Variants in TPD52 observed in about 807,000 individuals in gnomAD.
TPD52 encodes the protein prostate and colon associated protein.
TPD52 carries 17 observed loss-of-function variants against 31.3 expected under a neutral mutation model. That is an observed-to-expected ratio of 0.54 (90% CI 0.37 to 0.82). The LOEUF is 0.82. Among genes scored for constraint, TPD52 ranks in the 40% least tolerant of loss-of-function variants. TPD52 has a pLI of 0.00. For missense variants in TPD52, 212 were observed against 240.1 expected, an observed-to-expected ratio of 0.88 and a Z score of 0.77; for synonymous variants, 83 against 89.6, an observed-to-expected ratio of 0.93 and a Z score of 0.42.
intron 1 of TPD52, among the ~76,000 whole-genome samples, chr8:80,136,028 T>C (rs1431030345): frequency 2.3e-5 from 3 of 128,358 alleles, no homozygotes; most frequent in East Asian, 2.5e-4. Context: ...ATATACCTAA[T>C]GCTAGATGAC....
At chr8:80,086,100 G>GC (rs1815732669) in intron 1 of TPD52, among the ~76,000 whole-genome samples, 2 of 82,236 alleles carry the variant, frequency 2.4e-5, no homozygotes, top group African/African-American at 9.6e-5. Context: ...GGGTTTTTTT[G>GC]CTTTTTTTTT....
chr8:80,091,513 G>A (rs941600600), intron 1 of TPD52, among the ~76,000 whole-genome samples: 28 of 151,864 alleles, frequency 1.8e-4, no homozygotes, highest in Middle Eastern at 3.4e-3. Context: ...TTTTCACTTC[G>A]GTCATCTCAG....
intron 1 of TPD52, among the ~76,000 whole-genome samples, chr8:80,137,152 G>A (rs993942092): frequency 6.6e-6 from 1 of 152,168 alleles, no homozygotes; most frequent in Non-Finnish European, 1.5e-5. Flanking sequence ...CTATTAAAAA[G>A]AGTAATAAAA....
intron 1 of TPD52, among the ~76,000 whole-genome samples, chr8:80,164,591 G>A (rs1484902691): frequency 6.6e-6 from 1 of 152,098 alleles, no homozygotes; most frequent in Non-Finnish European, 1.5e-5. Context: ...AATGAAAAGA[G>A]CCATTAGTTA....
At chr8:80,072,326 T>C (rs1356797067) in intron 1 of TPD52, among the ~76,000 whole-genome samples, 12 of 148,958 alleles carry the variant, frequency 8.1e-5, no homozygotes, top group African/African-American at 2.8e-4. Flanking sequence ...TATGTGTGTG[T>C]GTGTGTGTGT....
intron 1 of TPD52, among the ~76,000 whole-genome samples, chr8:80,142,207 A>C (rs1045361171): frequency 6.6e-6 from 1 of 152,186 alleles, no homozygotes; most frequent in East Asian, 1.9e-4. Context: ...CCTGCATTCC[A>C]TACTAACCAT....
At chr8:80,053,249 T>G in intron 3 of TPD52, 33 bp downstream of exon 3, 1 of 1,608,340 alleles carries the variant, frequency 6.2e-7, no homozygotes, top group Middle Eastern at 1.7e-4. Flanking sequence ...TCCTTTACAC[T>G]CCCAAGGAAA....
intron 1 of TPD52, among the ~76,000 whole-genome samples, chr8:80,118,792 A>C (rs1563639725): frequency 6.6e-6 from 1 of 152,208 alleles, no homozygotes; most frequent in Non-Finnish European, 1.5e-5. Flanking sequence ...GATCCAGAGA[A>C]ACAACAATCT....
intron 4 of TPD52, 30 bp downstream of exon 4, chr8:80,051,497 C>T (rs1811386141): frequency 6.3e-7 from 1 of 1,594,794 alleles, no homozygotes; most frequent in Admixed American, 1.7e-5. Context: ...GCGTCAGCTA[C>T]TTAATGAGCA....
At chr8:80,167,833 A>G (rs904970873) in intron 1 of TPD52, among the ~76,000 whole-genome samples, 5 of 152,210 alleles carry the variant, frequency 3.3e-5, no homozygotes, top group African/African-American at 7.2e-5. Context: ...CTTTGTTTAA[A>G]TTCAAACTAG....
intron 1 of TPD52, among the ~76,000 whole-genome samples, chr8:80,073,976 A>C (rs891740693): frequency 6.6e-6 from 1 of 152,214 alleles, no homozygotes; most frequent in Non-Finnish European, 1.5e-5. Context: ...AGCTGCCCCC[A>C]AAAAAATTCA....
intron 1 of TPD52, among the ~76,000 whole-genome samples, chr8:80,156,484 T>C (rs1045769749): frequency 3.9e-5 from 6 of 152,146 alleles, no homozygotes. Context: ...TCAACGAATG[T>C]GTGAACATGT....
At chr8:80,150,642 A>G (rs886893724) in intron 1 of TPD52, among the ~76,000 whole-genome samples, 15 of 152,164 alleles carry the variant, frequency 9.9e-5, no homozygotes, top group Non-Finnish European at 2.2e-4. Flanking sequence ...TGAGACATGG[A>G]GATCATTTTG....
intron 1 of TPD52, among the ~76,000 whole-genome samples, chr8:80,168,806 G>C (rs920250645): frequency 6.6e-6 from 1 of 152,208 alleles, no homozygotes; most frequent in Non-Finnish European, 1.5e-5. Context: ...AACAAGAGAT[G>C]GATTTGGAGG....
chr8:80,064,464 G>T lies in TPD52; in HGVS notation c.135+14C>A, dbSNP rs758601147. ...AAGTGCAAAAATAAAGTTGCAAAAG[G>T]AATGGTTCTTTACCTTTGCAAGTTC... On this transcript the variant is annotated intron_variant, in intron 2 of 7. Transcript: ENST00000518937. 6.3e-7 allele frequency: 1 copy of T among 1,595,750 alleles called. No homozygotes were observed. The highest frequency in any genetic ancestry group is 8.6e-7 in the Non-Finnish European group (1 of 1,163,412).
chr8:80,090,814 T>C (rs1234698154), intron 1 of TPD52, among the ~76,000 whole-genome samples: 2 of 152,154 alleles, frequency 1.3e-5, no homozygotes, highest in South Asian at 2.1e-4. Flanking sequence ...TACTCTTAAG[T>C]GATAAAATGG....
chr8:80,097,670 G>A (rs1806431542), intron 1 of TPD52, among the ~76,000 whole-genome samples: 1 of 152,114 alleles, frequency 6.6e-6, no homozygotes, highest in Non-Finnish European at 1.5e-5. Flanking sequence ...TTCCTGTACG[G>A]TCTGTGAAAC....
chr8:80,055,082 GCTTCCCA>G (rs1203996410), intron 2 of TPD52, among the ~76,000 whole-genome samples: 1 of 152,130 alleles, frequency 6.6e-6, no homozygotes, highest in African/African-American at 2.4e-5. Context: ...ACTCTCTTAA[GCTTCCCA>G]CTTCCTCTGT....
intron 1 of TPD52, among the ~76,000 whole-genome samples, chr8:80,146,043 G>A (rs1022533691): frequency 3.9e-5 from 6 of 152,140 alleles, no homozygotes; most frequent in Non-Finnish European, 4.4e-5. Context: ...ATGCTAGGAC[G>A]TAACACCCAC....
Sources: gnomAD v4.1 joint callset for allele counts (sites outside exome capture counted in the v4.1 genomes callset) on GRCh38, gnomAD v4.1.1 for gene constraint, MANE v1.5 for transcripts, NCBI Gene and HGNC (gene_info 2026-07-23, HGNC 2026-07-21) for gene names.